The following ERI3 variants were observed in gnomAD, a reference collection of about 807,000 sequenced individuals.
ERI3 encodes ERI1 exoribonuclease 3.
ERI3 carries 18 observed loss-of-function variants against 44.4 expected under a neutral mutation model. That is an observed-to-expected ratio of 0.41 (90% CI 0.28 to 0.60). The LOEUF (loss-of-function observed/expected upper bound fraction) is 0.60, where lower values mean the gene tolerates loss of function less well. ERI3 is among the 20% of genes least tolerant of loss of function. ERI3 has a pLI of 0.36. For missense variants in ERI3, 294 were observed against 435.5 expected (o/e 0.68, Z 2.89); for synonymous variants, 183 against 164.8 (o/e 1.11, Z -0.84).
intron 8 of ERI3, among the ~76,000 whole-genome samples, chr1:44,223,975 C>T (rs1180593925): frequency 3.3e-5 from 5 of 152,246 alleles, no homozygotes; most frequent in African/African-American, 1.2e-4. Context: ...AATTTTCTCT[C>T]CAAGCTGCTG....
chr1:44,319,657 G>T lies in ERI3; in HGVS notation c.577C>A (p.His193Asn). 1 of 1,613,926 alleles carries T rather than the reference G, an allele frequency of 6.2e-7. No individual in the cohort carries two copies. Among genetic ancestry groups the T allele is most frequent in the South Asian group, 1.1e-5 (1 of 91,068 alleles). Reference protein sequence around the residue: ...TFHMYVQPVVHPQLTPFCTEL... With the variant: ...TFHMYVQPVVNPQLTPFCTEL... ...GTACAGAATGGGGTAAGCTGTGGATGGACTACAGGCTGGACATACATGTGA... is the reference window on the plus strand; with the variant it reads ...GTACAGAATGGGGTAAGCTGTGGATTGACTACAGGCTGGACATACATGTGA... The change falls in exon 4 of 9, where the codon CAT becomes AAT. Residue 193 changes from histidine to asparagine, a missense_variant. By Grantham distance (68) the His-to-Asn change is moderately conservative. This residue lies in a region of ERI3 where 187 missense variants were observed against 338.6 expected (regional missense o/e 0.55). Coordinates refer to ENST00000372257, the MANE Select transcript of ERI3 (RefSeq NM_024066.3).
intron 8 of ERI3, among the ~76,000 whole-genome samples, chr1:44,242,711 A>G (rs61768356): frequency 0.24 from 37,142 of 152,060 alleles, 4,619 homozygotes; most frequent in Non-Finnish European, 0.26. Context: ...TTCCTTGCCT[A>G]TGGTAGCAGG....
intron 5 of ERI3, among the ~76,000 whole-genome samples, chr1:44,311,481 G>A (rs1219787536): frequency 1.3e-5 from 2 of 152,152 alleles, no homozygotes; most frequent in South Asian, 2.1e-4. Context: ...CTCTATTCAG[G>A]CTGATACCAG....
intron 7 of ERI3, among the ~76,000 whole-genome samples, chr1:44,277,756 T>G (rs1645207639): frequency 6.6e-6 from 1 of 152,256 alleles, no homozygotes; most frequent in Non-Finnish European, 1.5e-5. Flanking sequence ...TTAGCAAAAC[T>G]GAATTTAAGT....
Position 44,221,217 on chromosome 1 carries a change from G to A in ERI3, c.*341C>T. On this transcript the variant is annotated 3_prime_UTR_variant, in exon 9 of 9. Transcript: ENST00000372257. This position sits in a 1 kb window ranked among gnomAD's most constrained non-coding sequence, Gnocchi z 5.9. ...CACCATGCACTATGGATGGGAGGGG[G>A]CACAGGAGGGGCTTGGTGGCCCCAC... 1 of 356,804 alleles carries A rather than the reference G, an allele frequency of 2.8e-6. No homozygotes were observed. The highest frequency in any genetic ancestry group is 5.2e-6 in the Non-Finnish European group (1 of 191,352). 22.1% of individuals were successfully genotyped at this position (356,804 alleles called of 1,614,324 possible).
chr1:44,234,593 AG>A (rs1239412645), intron 8 of ERI3, among the ~76,000 whole-genome samples: 1 of 151,992 alleles, frequency 6.6e-6, no homozygotes, highest in Non-Finnish European at 1.5e-5. Flanking sequence ...CAGGAGGCGG[AG>A]GTTGCAGTGA....
intron 7 of ERI3, among the ~76,000 whole-genome samples, chr1:44,255,449 G>A (rs571130982): frequency 5.9e-5 from 9 of 152,152 alleles, no homozygotes; most frequent in African/African-American, 2.2e-4. Context: ...TTTGGTCATC[G>A]TATCTGTGTA....
chr1:44,314,154 G>T (rs1646032821), intron 4 of ERI3, among the ~76,000 whole-genome samples: 1 of 36,484 alleles, frequency 2.7e-5, no homozygotes, highest in African/African-American at 6.8e-5. Flanking sequence ...AAAGTGTGTT[G>T]GGGGGGGGGA....
chr1:44,230,810 C>G (rs1483425646), intron 8 of ERI3, among the ~76,000 whole-genome samples: 1 of 152,128 alleles, frequency 6.6e-6, no homozygotes, highest in Non-Finnish European at 1.5e-5. Context: ...GTACTAATGG[C>G]CTTCTCCATT....
intron 4 of ERI3, among the ~76,000 whole-genome samples, chr1:44,318,810 TAAA>T (rs758261127): frequency 2.6e-5 from 4 of 152,240 alleles, no homozygotes; most frequent in African/African-American, 4.8e-5. Context: ...CCCAGACTCT[TAAA>T]AGATTCTCAT....
chr1:44,275,724 T>C (rs72891758), intron 7 of ERI3, among the ~76,000 whole-genome samples: 11,379 of 152,126 alleles, frequency 0.075, 1,327 homozygotes, highest in African/African-American at 0.25. Flanking sequence ...TACCCTGATA[T>C]ATCAGGGTCT....
At chr1:44,310,782 G>C (rs1474788875) in intron 5 of ERI3, among the ~76,000 whole-genome samples, 1 of 151,982 alleles carries the variant, frequency 6.6e-6, no homozygotes, top group African/African-American at 2.4e-5. Flanking sequence ...TATCAGAGCT[G>C]CTCCCCGGTG....
chr1:44,354,067 A>G, intron 1 of ERI3: 1 of 985,482 alleles, frequency 1.0e-6, no homozygotes, highest in South Asian at 4.7e-5. Context: ...TGTATATGAT[A>G]AAGTCAGAAT....
chr1:44,288,779 G>T (rs1009162926), intron 6 of ERI3, among the ~76,000 whole-genome samples: 9 of 152,124 alleles, frequency 5.9e-5, no homozygotes, highest in African/African-American at 2.2e-4. Context: ...GTCACACCTG[G>T]GTTCAAGGTT....
chr1:44,353,598 C>T, intron 1 of ERI3: 1 of 985,396 alleles, frequency 1.0e-6, no homozygotes, highest in Non-Finnish European at 1.2e-6. Flanking sequence ...TACTCAGATC[C>T]CCTGGGAAAA....
chr1:44,259,808 G>A (rs1428361099), intron 7 of ERI3, among the ~76,000 whole-genome samples: 1 of 151,680 alleles, frequency 6.6e-6, no homozygotes, highest in Non-Finnish European at 1.5e-5. Flanking sequence ...TAAGCCCAGG[G>A]GGTTGAGGCT....
intron 7 of ERI3, among the ~76,000 whole-genome samples, chr1:44,271,535 TA>T (rs1156919652): frequency 6.6e-6 from 1 of 152,110 alleles, no homozygotes; most frequent in Non-Finnish European, 1.5e-5. Context: ...TAGACTCAAA[TA>T]CTTACTCTAT....
rs1419543342 is a variant in ERI3 at position 44,252,865 on chromosome 1, G to A, written c.832-4827C>T. ...CCCAGCTCAGGCTGCAGACAGAATA[G>A]GCTGCTCTGCAACTTTCAGAAAAAC... On this transcript the variant is annotated intron_variant, in intron 7 of 8. Transcript: ENST00000372257. The surrounding 1 kb of genome is among the most constrained non-coding windows in gnomAD (Gnocchi z 4.7). Among the ~76,000 whole-genome samples the A allele has an allele frequency of 6.6e-6, 1 of 152,212 alleles. No individual in the cohort carries two copies. The highest frequency in any genetic ancestry group is 2.4e-5 in the African/African-American group (1 of 41,438).
At chr1:44,234,904 G>A (rs375691549) in intron 8 of ERI3, among the ~76,000 whole-genome samples, 8 of 152,000 alleles carry the variant, frequency 5.3e-5, no homozygotes, top group East Asian at 2.0e-4. Flanking sequence ...CACCATACCC[G>A]GCCTAAGAGG....
Sources: gnomAD v4.1 joint callset for allele counts (sites outside exome capture counted in the v4.1 genomes callset) on GRCh38, gnomAD v4.1.1 for gene constraint, gnomAD v4.1.1 regional missense constraint, Gnocchi (gnomAD v3.1) non-coding constraint, MANE v1.5 for transcripts, NCBI Gene and HGNC (gene_info 2026-07-23, HGNC 2026-07-21) for gene names.